The following SLC26A7 variants were observed in gnomAD, a reference collection of about 807,000 sequenced individuals.
The protein encoded by SLC26A7 is anion exchange transporter.
SLC26A7 carries 59 observed loss-of-function variants against 82.5 expected under a neutral mutation model. The ratio of observed to expected loss-of-function variants is 0.72; its 90% confidence interval spans 0.58 to 0.89. The LOEUF (loss-of-function observed/expected upper bound fraction) is 0.89. SLC26A7 is among the 40% of genes least tolerant of loss of function. SLC26A7 has a pLI of 0.00. For synonymous variants in SLC26A7, 271 were observed against 274.3 expected (o/e 0.99, Z 0.12); for missense variants, 820 against 793.0 (o/e 1.03, Z -0.41).
chr8:91,289,015 G>A, intron 2 of SLC26A7, 121 bp from the exon 3 acceptor site: 1 of 652,110 alleles, frequency 1.5e-6, no homozygotes, highest in Non-Finnish European at 2.7e-6. Context: ...GACTCTTGTT[G>A]AGCAAGTAGA....
At chr8:91,219,447 G>A (rs191202648) in intron 2 of SLC26A7, among the ~76,000 whole-genome samples, 1 of 152,148 alleles carries the variant, frequency 6.6e-6, no homozygotes, top group East Asian at 1.9e-4. Context: ...GACCTTCACA[G>A]AAAAAATGAG....
At chr8:91,285,494 G>C (rs1811686832) in intron 2 of SLC26A7, among the ~76,000 whole-genome samples, 1 of 152,204 alleles carries the variant, frequency 6.6e-6, no homozygotes, top group African/African-American at 2.4e-5. Context: ...AACTATGTAA[G>C]ATATGACCTT....
intron 2 of SLC26A7, among the ~76,000 whole-genome samples, chr8:91,234,871 T>TCCTTC (rs1406962014): frequency 1.7e-4 from 20 of 114,912 alleles, no homozygotes; most frequent in Non-Finnish European, 2.9e-4. Context: ...TTCCTTCCCT[T>TCCTTC]CTTCCCTCCT....
Position 91,393,652 on chromosome 8 carries a change from T to C in SLC26A7, c.1777-145T>C, listed in dbSNP as rs1160929047. On this transcript the variant is annotated intron_variant, in intron 16 of 18. Transcript: ENST00000276609. ...TTTTAGACGCTTGCCAGATTATGCC[T>C]GACTGTGTAACAATGCCTCCCTCTG... The C allele has an allele frequency of 6.3e-6, 5 of 790,692 alleles. No individual in the cohort carries two copies. The East Asian group carries it at 7.7e-5, about 12-fold the overall frequency. 49.0% of individuals were successfully genotyped at this position (790,692 alleles called of 1,614,324 possible).
intron 11 of SLC26A7, among the ~76,000 whole-genome samples, chr8:91,357,658 A>G (rs927479826): frequency 1.3e-5 from 2 of 152,222 alleles, no homozygotes; most frequent in African/African-American, 4.8e-5. Context: ...TGAAAACCCT[A>G]GAAGAAAACC....
chr8:91,245,363 G>A (rs1810531024), upstream of SLC26A7, among the ~76,000 whole-genome samples: 1 of 152,104 alleles, frequency 6.6e-6, no homozygotes, highest in Admixed American at 6.5e-5. Flanking sequence ...TGGATTCAGG[G>A]ATGTGCCTGT....
chr8:91,327,764 A>G (rs1310759982), intron 5 of SLC26A7, among the ~76,000 whole-genome samples: 1 of 152,178 alleles, frequency 6.6e-6, no homozygotes, highest in Non-Finnish European at 1.5e-5. Flanking sequence ...TTCTCTAGTC[A>G]AACACTAACT....
At chr8:91,252,256 GTT>G (rs1810679752) in intron 2 of SLC26A7, among the ~76,000 whole-genome samples, 1 of 151,954 alleles carries the variant, frequency 6.6e-6, no homozygotes, top group Non-Finnish European at 1.5e-5. Context: ...CAATCTAGTA[GTT>G]GTTTTTCGTT....
intron 2 of SLC26A7, among the ~76,000 whole-genome samples, chr8:91,260,992 T>C (rs966198199): frequency 6.6e-6 from 1 of 152,106 alleles, no homozygotes; most frequent in Admixed American, 6.6e-5. Flanking sequence ...CTAATCCTGC[T>C]GATATTGTAA....
chr8:91,369,931 C>G (rs1299384153), intron 15 of SLC26A7, 98 bp downstream of exon 15: 2 of 888,106 alleles, frequency 2.3e-6, no homozygotes, highest in Admixed American at 2.4e-5. Context: ...ATCTGCCTCC[C>G]TCTTCTGTTC....
chr8:91,344,293 G>T (rs1813500942), intron 9 of SLC26A7: 8 of 749,134 alleles, frequency 1.1e-5, no homozygotes, highest in African/African-American at 1.9e-5. Flanking sequence ...GGTAGTAAAT[G>T]GCAGAGCCGG....
chr8:91,222,679 C>G (rs1417830517), intron 2 of SLC26A7, among the ~76,000 whole-genome samples: 1 of 152,162 alleles, frequency 6.6e-6, no homozygotes, highest in Non-Finnish European at 1.5e-5. Context: ...TTATGTTGAA[C>G]CAGCCTTGCA....
chr8:91,369,917 C>A, intron 15 of SLC26A7, 84 bp downstream of exon 15: 1 of 995,068 alleles, frequency 1.0e-6, no homozygotes, highest in Non-Finnish European at 1.5e-6. Flanking sequence ...CCCTTCTCCT[C>A]CTCATCTGCC....
chr8:91,234,827 A>AC (rs1386380375), intron 2 of SLC26A7, among the ~76,000 whole-genome samples: 59 of 92,540 alleles, frequency 6.4e-4, no homozygotes, highest in South Asian at 2.5e-3. Flanking sequence ...CTACCTACCT[A>AC]CTTCCTTCCT....
chr8:91,384,607 C>T (rs1459434012), intron 15 of SLC26A7, among the ~76,000 whole-genome samples: 2 of 152,138 alleles, frequency 1.3e-5, no homozygotes, highest in Non-Finnish European at 2.9e-5. Context: ...GCCCTCATCA[C>T]ACTTTAATTT....
chr8:91,363,869 C>T (rs1343398411), intron 13 of SLC26A7, among the ~76,000 whole-genome samples: 1 of 151,122 alleles, frequency 6.6e-6, no homozygotes, highest in Non-Finnish European at 1.5e-5. Context: ...AACTGATAGT[C>T]TATTCTGAAT....
intron 4 of SLC26A7, among the ~76,000 whole-genome samples, chr8:91,315,421 G>A (rs1299776764): frequency 6.6e-6 from 1 of 150,730 alleles, no homozygotes; most frequent in Non-Finnish European, 1.5e-5. Context: ...TGTGTTTTCA[G>A]GATGAAAACC....
intron 14 of SLC26A7, among the ~76,000 whole-genome samples, chr8:91,369,367 CTG>C (rs1814288961): frequency 6.5e-5 from 1 of 15,474 alleles, no homozygotes; most frequent in Non-Finnish European, 1.9e-4. Context: ...GGATACAGAG[CTG>C]TTTTTTTTTT....
chr8:91,320,765 T>C (rs1204083930), intron 5 of SLC26A7, among the ~76,000 whole-genome samples: 3 of 152,234 alleles, frequency 2.0e-5, no homozygotes, highest in Admixed American at 2.0e-4. Flanking sequence ...GCAGAATGAA[T>C]TGACACATTT....
Sources: gnomAD v4.1 joint callset for allele counts (sites outside exome capture counted in the v4.1 genomes callset) on GRCh38, gnomAD v4.1.1 for gene constraint, MANE v1.5 for transcripts, NCBI Gene and HGNC (gene_info 2026-07-23, HGNC 2026-07-21) for gene names.